The following SCN9A variants were observed in gnomAD, a reference collection of about 807,000 sequenced individuals.
The protein encoded by SCN9A is sodium channel protein type 9 subunit alpha.
A neutral mutation model predicts 187.0 loss-of-function variants in SCN9A; 131 were observed. The ratio of observed to expected loss-of-function variants is 0.70; its 90% CI spans 0.61 to 0.81. The LOEUF is 0.81. SCN9A is among the 30% of genes least tolerant of loss of function. The pLI is 0.00. For synonymous variants in SCN9A, 809 were observed against 808.6 expected (o/e 1.00, Z -0.01); for missense variants, 2,252 against 2,396.6 (o/e 0.94, Z 1.26).
chr2:166,205,978 C>T (rs1052078294), intron 24 of SCN9A, among the ~76,000 whole-genome samples: 28 of 152,086 alleles, frequency 1.8e-4, no homozygotes, highest in Non-Finnish European at 3.5e-4. Flanking sequence ...CACCTCATGC[C>T]AATTAGAATG....
intron 23 of SCN9A, among the ~76,000 whole-genome samples, chr2:166,227,207 G>A (rs1306980066): frequency 6.6e-6 from 1 of 152,030 alleles, no homozygotes; most frequent in African/African-American, 2.4e-5. Flanking sequence ...GTTTTAAACT[G>A]TAAAAACAGT....
At chr2:166,297,207 A>AAAAAAAAAAAAAAG (rs1698350916) in intron 7 of SCN9A, among the ~76,000 whole-genome samples, 1 of 108,462 alleles carries the variant, frequency 9.2e-6, no homozygotes, top group East Asian at 3.9e-4. Flanking sequence ...AAAAAAAAAA[A>AAAAAAAAAAAAAAG]AAAAAAAAAA....
At chr2:166,202,935 A>C (rs945512214) in intron 26 of SCN9A, among the ~76,000 whole-genome samples, 4 of 151,734 alleles carry the variant, frequency 2.6e-5, no homozygotes, top group Non-Finnish European at 4.4e-5. Flanking sequence ...GTTTTTATAT[A>C]TGTACCTCTC....
At chr2:166,260,936 T>G (rs1205013034) in intron 17 of SCN9A, among the ~76,000 whole-genome samples, 4 of 151,824 alleles carry the variant, frequency 2.6e-5, no homozygotes, top group Non-Finnish European at 5.9e-5. Context: ...TTAAAAATGG[T>G]TGGATATTTA....
At chr2:166,299,119 A>G (rs1698444501) in intron 7 of SCN9A, among the ~76,000 whole-genome samples, 1 of 152,062 alleles carries the variant, frequency 6.6e-6, no homozygotes, top group Admixed American at 6.6e-5. Context: ...TTTCACGAGG[A>G]CTTGACTTCT....
chr2:166,295,615 T>C (rs1698265398), intron 7 of SCN9A, among the ~76,000 whole-genome samples: 1 of 152,184 alleles, frequency 6.6e-6, no homozygotes, highest in African/African-American at 2.4e-5. Context: ...ATCACCATTA[T>C]ATATATGGTC....
chr2:166,347,370 T>C (rs563799556), intron 1 of SCN9A, among the ~76,000 whole-genome samples: 103 of 152,308 alleles, frequency 6.8e-4, no homozygotes, highest in Non-Finnish European at 7.1e-4. Flanking sequence ...TTCATAGCAT[T>C]GTCCTAAATC....
chr2:166,292,262 T>C (rs1293068946), intron 9 of SCN9A, among the ~76,000 whole-genome samples: 2 of 152,122 alleles, frequency 1.3e-5, no homozygotes, highest in Admixed American at 6.6e-5. Context: ...TATAATGTAA[T>C]ATACTTTTAT....
At chr2:166,338,061 C>T (rs985917242) in intron 1 of SCN9A, among the ~76,000 whole-genome samples, 5 of 152,142 alleles carry the variant, frequency 3.3e-5, no homozygotes, top group African/African-American at 9.7e-5. Context: ...CCAGAGCTTT[C>T]AAACGGAGGA....
intron 1 of SCN9A, among the ~76,000 whole-genome samples, chr2:166,322,623 T>A (rs1293756187): frequency 1.3e-5 from 2 of 152,194 alleles, no homozygotes; most frequent in Non-Finnish European, 2.9e-5. Context: ...ATCCTTCTAT[T>A]TTAATTCCTT....
chr2:166,227,998 T>G (rs1694912551), intron 22 of SCN9A, among the ~76,000 whole-genome samples: 2 of 152,130 alleles, frequency 1.3e-5, no homozygotes, highest in Admixed American at 6.5e-5. Flanking sequence ...GAAGGAAAAT[T>G]TTATGAATAA....
chr2:166,251,737 C>T, intron 18 of SCN9A, 28 bp downstream of exon 18: 1 of 1,611,728 alleles, frequency 6.2e-7, no homozygotes, highest in Non-Finnish European at 8.5e-7. Flanking sequence ...TTAAGGAATG[C>T]TAACCAAGGT....
At chr2:166,307,707 G>A (rs924968287) in intron 2 of SCN9A, among the ~76,000 whole-genome samples, 2 of 152,050 alleles carry the variant, frequency 1.3e-5, no homozygotes, top group African/African-American at 4.8e-5. Flanking sequence ...TTTAAAAAAC[G>A]ATATGAATAG....
chr2:166,375,113 T>C (rs765653200), intron 1 of SCN9A, among the ~76,000 whole-genome samples: 5 of 152,190 alleles, frequency 3.3e-5, no homozygotes, highest in Admixed American at 6.5e-5. Flanking sequence ...TTTCTGAATT[T>C]CACTATAAAG....
intron 17 of SCN9A, among the ~76,000 whole-genome samples, chr2:166,262,642 T>C (rs1310720754): frequency 6.6e-6 from 1 of 151,992 alleles, no homozygotes; most frequent in Admixed American, 6.6e-5. Context: ...TGTAGTATAA[T>C]GATTACAGCT....
At chr2:166,305,359 C>T (rs1383510316) in intron 5 of SCN9A, among the ~76,000 whole-genome samples, 1 of 151,660 alleles carries the variant, frequency 6.6e-6, no homozygotes, top group East Asian at 1.9e-4. Flanking sequence ...AGCTCTTTTA[C>T]AAATATATAC....
intron 1 of SCN9A, among the ~76,000 whole-genome samples, chr2:166,339,072 C>T (rs1448853337): frequency 6.6e-6 from 1 of 152,108 alleles, no homozygotes; most frequent in Non-Finnish European, 1.5e-5. Context: ...TGGCTTTATT[C>T]AGCAGACTTG....
chr2:166,299,394 C>T lies in SCN9A; in HGVS notation c.901+3696G>A, dbSNP rs1044821518. Among the ~76,000 whole-genome samples, 6 of 150,900 alleles carry T rather than the reference C, an allele frequency of 4.0e-5. 1 individual carries two copies. The highest frequency in any genetic ancestry group is 1.5e-4 in the African/African-American group (6 of 40,220). On this transcript the variant is annotated intron_variant, in intron 7 of 26. Transcript: ENST00000642356. ...CTCAAGAAATTCTCTGATGACTTCC[C>T]TGTTACTTAACCTAATGCATATTTC...
chr2:166,315,103 G>T (rs918836205), intron 1 of SCN9A, among the ~76,000 whole-genome samples: 2 of 152,174 alleles, frequency 1.3e-5, no homozygotes, highest in African/African-American at 4.8e-5. Context: ...CAAAGCAGTT[G>T]CCACTTGTGC....
Sources: allele counts gnomAD v4.1 joint callset (sites outside exome capture counted in the v4.1 genomes callset), GRCh38; gene constraint gnomAD v4.1.1; transcripts MANE v1.5; gene names NCBI Gene and HGNC (gene_info 2026-07-23, HGNC 2026-07-21).